Variants in CRYBB2 observed in about 807,000 individuals in gnomAD.
CRYBB2 encodes the protein crystallin beta B2.
Under a neutral mutation model 24.3 loss-of-function variants are expected in CRYBB2, and 12 were observed. The ratio of observed to expected loss-of-function variants is 0.49; its 90% CI spans 0.32 to 0.80. CRYBB2 has a LOEUF of 0.80. CRYBB2 is among the 30% of genes least tolerant of loss of function. The pLI is 0.04. For missense variants in CRYBB2, 198 were observed against 268.5 expected (o/e 0.74, Z 1.83); for synonymous variants, 98 against 101.6 (o/e 0.96, Z 0.21).
Position 25,221,386 on chromosome 22 carries a change from G to T in CRYBB2, c.-26-18G>T. On this transcript the variant is annotated intron_variant, in intron 1 of 5. Coordinates refer to ENST00000398215, the MANE Select transcript of CRYBB2 (RefSeq NM_000496.3). ...GTGGCCCCTCCAGGTCCTCACTGCTGCTTCCCATGTCTTCCAGGTCATTCC... is the reference window on the plus strand; with the variant it reads ...GTGGCCCCTCCAGGTCCTCACTGCTTCTTCCCATGTCTTCCAGGTCATTCC... 1.3e-6 allele frequency: 2 copies of T among 1,565,110 alleles called. No homozygotes were observed. The highest frequency in any genetic ancestry group is 1.8e-6 in the Non-Finnish European group (2 of 1,135,502).
chr22:25,219,364 C>T (rs1935281870), upstream of CRYBB2, among the ~76,000 whole-genome samples: 1 of 152,204 alleles, frequency 6.6e-6, no homozygotes, highest in Admixed American at 6.5e-5. Context: ...CCAGTGAACC[C>T]AGCGTACCCC....
upstream of CRYBB2, among the ~76,000 whole-genome samples, chr22:25,218,736 GGAGAGAGA>G (rs71191034): frequency 6.5e-4 from 23 of 35,306 alleles, no homozygotes; most frequent in Non-Finnish European, 8.2e-4. Context: ...GAGAGAGAGG[GGAGAGAGA>G]GAGAGAGAGA....
upstream of CRYBB2, among the ~76,000 whole-genome samples, chr22:25,216,479 G>A (rs899518518): frequency 2.0e-5 from 3 of 152,144 alleles, no homozygotes; most frequent in African/African-American, 4.8e-5. Flanking sequence ...AACAATTACC[G>A]GCAAACACAA....
At chr22:25,229,656 A>C in intron 5 of CRYBB2, 78 bp downstream of exon 5, 1 of 1,585,306 alleles carries the variant, frequency 6.3e-7, no homozygotes, top group Non-Finnish European at 8.6e-7. Context: ...TCTGCCCTGT[A>C]CACGCTGGTG....
upstream of CRYBB2, among the ~76,000 whole-genome samples, chr22:25,218,216 G>C (rs559745864): frequency 6.7e-6 from 1 of 149,676 alleles, no homozygotes; most frequent in Non-Finnish European, 1.5e-5. Flanking sequence ...CTGAGATCGT[G>C]CCACTGCACT....
chr22:25,223,401 A>G (rs1935354241), intron 2 of CRYBB2, among the ~76,000 whole-genome samples: 2 of 152,202 alleles, frequency 1.3e-5, no homozygotes, highest in South Asian at 2.1e-4. Context: ...CTGGTCTCCC[A>G]GGCCAGGGTA....
upstream of CRYBB2, among the ~76,000 whole-genome samples, chr22:25,218,779 G>GAGAGAGAGAAAGAAAGAAA (rs1935251085): frequency 5.8e-5 from 2 of 34,532 alleles, no homozygotes; most frequent in African/African-American, 1.2e-4. Flanking sequence ...GAGAGAGAGA[G>GAGAGAGAGAAAGAAAGAAA]AAGAAAGAAA....
chr22:25,231,859 C>T lies in CRYBB2; in HGVS notation c.*87C>T. 8.0e-7 allele frequency: 1 copy of T among 1,244,358 alleles called. No homozygotes were observed. Among genetic ancestry groups the T allele is most frequent in the East Asian group, 2.3e-5 (1 of 42,658 alleles). 77.1% of individuals were successfully genotyped at this position (1,244,358 alleles called of 1,614,324 possible). On this transcript the variant is annotated 3_prime_UTR_variant, in exon 6 of 6. Coordinates refer to ENST00000398215, the MANE Select transcript of CRYBB2 (RefSeq NM_000496.3). ...CTCCCAGAGAGTGAATAAAGTGTGA[C>T]TTGCAACTTGTCTGCTGTGGGTCTT...
In CRYBB2 at chr22:25,230,941, C is replaced by T. The variant is rs570937725; in HGVS notation, c.450-663C>T. On this transcript the variant is annotated intron_variant, in intron 5 of 5. Coordinates refer to ENST00000398215, the MANE Select transcript of CRYBB2 (RefSeq NM_000496.3). ...GGCCAAGGAAGAGCATCCCAGACAA[C>T]GAGAGCAGCATGTGCAAAGGCCCTG... Among the ~76,000 whole-genome samples the T allele has an allele frequency of 3.0e-4, 46 of 152,126 alleles. 1 individual carries two copies. The East Asian group carries it at 4.3e-3, about 14-fold the overall frequency.
At chr22:25,218,804 AAGAAAGAAAG>A (rs1935260037), upstream of CRYBB2, among the ~76,000 whole-genome samples, 1 of 119,398 alleles carries the variant, frequency 8.4e-6, no homozygotes, top group Non-Finnish European at 1.7e-5. Context: ...GAAAGAAAGA[AAGAAAGAAAG>A]AAAGAAAGAA....
chr22:25,212,561 C>T (rs1935118924), upstream of CRYBB2, among the ~76,000 whole-genome samples: 1 of 152,232 alleles, frequency 6.6e-6, no homozygotes, highest in African/African-American at 2.4e-5. Flanking sequence ...TGCTAGCTTC[C>T]TCTTTCCCTT....
chr22:25,228,543 G>A (rs1935463417), intron 4 of CRYBB2, among the ~76,000 whole-genome samples: 1 of 151,946 alleles, frequency 6.6e-6, no homozygotes. Flanking sequence ...TCAGGAAGGG[G>A]ACAGGGCCCA....
chr22:25,225,128 A>G, intron 3 of CRYBB2, 92 bp downstream of exon 3: 1 of 810,132 alleles, frequency 1.2e-6, no homozygotes, highest in Non-Finnish European at 2.2e-6. Context: ...CCTGTCTGCA[A>G]ATCTGGGAAC....
In CRYBB2 at chr22:25,229,431, A is replaced by C. The variant is rs1487064323; in HGVS notation, c.307-5A>C. 7.5e-6 allele frequency: 12 copies of C among 1,606,360 alleles called. No homozygotes were observed. The South Asian group carries it at 1.3e-4, about 18-fold the overall frequency. The stretch of plus-strand genomic sequence containing the variant: ...TACTCACTTCCCCCCATCCTCTGCC[A>C]ATAGGACAGCCAAGAGCACAAGATC... On this transcript the variant is annotated splice_polypyrimidine_tract_variant and splice_region_variant and intron_variant, in intron 4 of 5. Coordinates refer to ENST00000398215, the MANE Select transcript of CRYBB2 (RefSeq NM_000496.3).
At chr22:25,219,317 C>T (rs918952295), upstream of CRYBB2, among the ~76,000 whole-genome samples, 1 of 152,200 alleles carries the variant, frequency 6.6e-6, no homozygotes, top group African/African-American at 2.4e-5. Flanking sequence ...CTGAGATGTT[C>T]CTCTGTCTGC....
chr22:25,218,803 AAAG>A (rs1935259557), upstream of CRYBB2, among the ~76,000 whole-genome samples: 3 of 128,824 alleles, frequency 2.3e-5, no homozygotes, highest in Non-Finnish European at 4.9e-5. Flanking sequence ...AGAAAGAAAG[AAAG>A]AAAGAAAGAA....
At chr22:25,222,626 G>A (rs946043613) in intron 2 of CRYBB2, among the ~76,000 whole-genome samples, 1 of 152,164 alleles carries the variant, frequency 6.6e-6, no homozygotes, top group African/African-American at 2.4e-5. Flanking sequence ...CAGACAAAAG[G>A]AACAGCAGGC....
Position 25,224,911 on chromosome 22 carries a change from C to T in CRYBB2, c.55-7C>T. ...GATGAGGGTCTGAGTCTCGCTTCCTCTTGCAGATCATCATCTTTGAGCAGG... is the reference window on the plus strand; with the variant it reads ...GATGAGGGTCTGAGTCTCGCTTCCTTTTGCAGATCATCATCTTTGAGCAGG... On this transcript the variant is annotated splice_polypyrimidine_tract_variant and splice_region_variant and intron_variant, in intron 2 of 5. Coordinates refer to ENST00000398215, the MANE Select transcript of CRYBB2 (RefSeq NM_000496.3). The T allele has an allele frequency of 6.7e-7, 1 of 1,484,832 alleles. No individual in the cohort carries two copies. The highest frequency in any genetic ancestry group is 9.4e-7 in the Non-Finnish European group (1 of 1,061,776). The allele number at this position is 1,484,832 out of a possible 1,614,324, so 92.0% of individuals were successfully genotyped here. A position where few individuals can be genotyped will look rare whatever the true frequency, so the allele number is the denominator to read the frequency against.
chr22:25,218,779 G>GAGAGAGAAAAAAGA (rs1935251085), upstream of CRYBB2, among the ~76,000 whole-genome samples: 1 of 34,514 alleles, frequency 2.9e-5, no homozygotes, highest in Non-Finnish European at 5.3e-5. Flanking sequence ...GAGAGAGAGA[G>GAGAGAGAAAAAAGA]AAGAAAGAAA....
Sources: gnomAD v4.1 joint callset for allele counts (sites outside exome capture counted in the v4.1 genomes callset) on GRCh38, gnomAD v4.1.1 for gene constraint, MANE v1.5 for transcripts, NCBI Gene and HGNC (gene_info 2026-07-23, HGNC 2026-07-21) for gene names.